Variants in CSMD1 observed in about 807,000 individuals in gnomAD.
CSMD1 encodes CUB and Sushi multiple domains 1.
CSMD1 carries 213 observed loss-of-function variants against 417.5 expected under a neutral mutation model. The ratio of observed to expected loss-of-function variants is 0.51; its 90% CI spans 0.46 to 0.57. The LOEUF (loss-of-function observed/expected upper bound fraction) is 0.57, where lower values mean the gene tolerates loss of function less well. Among genes scored for constraint, CSMD1 ranks in the 20% least tolerant of loss-of-function variants. The probability of loss-of-function intolerance (pLI) is 0.00; values close to 1 mark genes in which losing one functional copy is unlikely to be tolerated. For synonymous variants in CSMD1, 2,862 were observed against 1,736.8 expected (o/e 1.65, Z -16.11); for missense variants, 6,923 against 4,529.7 (o/e 1.53, Z -15.17).
In CSMD1 at chr8:4,718,871, T is replaced by C. The variant is rs368186567; in HGVS notation, c.86-81313A>G. Among the ~76,000 whole-genome samples the C allele has an allele frequency of 2.6e-5, 4 of 151,958 alleles. No homozygotes were observed. The East Asian group carries it at 5.8e-4, about 22-fold the overall frequency. ...TCCCTAAAAAGTACCAAAATGTAAA[T>C]GAATGAAAATACGTATCTTTGAACT... is the stretch of plus-strand genomic sequence containing the variant. On this transcript the variant is annotated intron_variant, in intron 1 of 69. Coordinates refer to ENST00000635120, the MANE Select transcript of CSMD1 (RefSeq NM_033225.6).
intron 6 of CSMD1, among the ~76,000 whole-genome samples, chr8:3,746,002 C>A (rs2129051719): frequency 6.6e-6 from 1 of 152,220 alleles, no homozygotes; most frequent in East Asian, 1.9e-4. Context: ...ACAACTTCCT[C>A]ACATGTACAG....
At chr8:3,906,014 T>G (rs1399155645) in intron 5 of CSMD1, among the ~76,000 whole-genome samples, 13 of 152,196 alleles carry the variant, frequency 8.5e-5, no homozygotes, top group Admixed American at 8.5e-4. Flanking sequence ...GAGTTCTTTT[T>G]ATTTTCCCCG....
At chr8:4,555,321 G>C (rs921344742) in intron 2 of CSMD1, among the ~76,000 whole-genome samples, 3 of 152,138 alleles carry the variant, frequency 2.0e-5, no homozygotes, top group Non-Finnish European at 4.4e-5. Flanking sequence ...GAGATGCTCA[G>C]AAGGAAAAAA....
chr8:4,013,360 C>T (rs541153859), intron 4 of CSMD1, among the ~76,000 whole-genome samples: 31 of 152,174 alleles, frequency 2.0e-4, no homozygotes, highest in Non-Finnish European at 3.7e-4. Flanking sequence ...TGGTTGATCC[C>T]TCTGTCAGAA....
chr8:4,427,513 A>G (rs1236623601), intron 2 of CSMD1, among the ~76,000 whole-genome samples: 10 of 149,668 alleles, frequency 6.7e-5, no homozygotes, highest in African/African-American at 2.5e-5. Flanking sequence ...ACACACACAC[A>G]TGCACACTCA....
chr8:3,190,880 C>T (rs1796377741), intron 33 of CSMD1, among the ~76,000 whole-genome samples: 1 of 152,128 alleles, frequency 6.6e-6, no homozygotes, highest in South Asian at 2.1e-4. Flanking sequence ...GAACGAATAC[C>T]TTATGATTCT....
intron 1 of CSMD1, among the ~76,000 whole-genome samples, chr8:4,928,612 G>A (rs1281340471): frequency 6.6e-6 from 1 of 152,164 alleles, no homozygotes; most frequent in African/African-American, 2.4e-5. Flanking sequence ...CAAACGCGCT[G>A]AGAAGTAACT....
chr8:4,344,425 A>G (rs1257991179), intron 3 of CSMD1, among the ~76,000 whole-genome samples: 5 of 152,060 alleles, frequency 3.3e-5, no homozygotes, highest in South Asian at 2.1e-4. Flanking sequence ...AAAGGCAGGA[A>G]TATTTTAAAA....
intron 5 of CSMD1, among the ~76,000 whole-genome samples, chr8:3,882,060 A>G (rs1368249277): frequency 1.3e-5 from 2 of 152,236 alleles, no homozygotes; most frequent in Non-Finnish European, 2.9e-5. Context: ...AAGAAAAAAC[A>G]TATCAATAGT....
At chr8:4,878,727 G>A (rs1803204833) in intron 1 of CSMD1, among the ~76,000 whole-genome samples, 1 of 151,950 alleles carries the variant, frequency 6.6e-6, no homozygotes, top group African/African-American at 2.4e-5. Context: ...GCACCCAGCA[G>A]TATCTTTTGT....
chr8:4,907,732 T>TC (rs11458990), intron 1 of CSMD1, among the ~76,000 whole-genome samples: 3 of 151,552 alleles, frequency 2.0e-5, no homozygotes, highest in Non-Finnish European at 4.4e-5. Flanking sequence ...CAATTTTTTT[T>TC]TTTTTTCATT....
At chr8:3,620,418 T>A (rs1276535141) in intron 7 of CSMD1, among the ~76,000 whole-genome samples, 1 of 152,128 alleles carries the variant, frequency 6.6e-6, no homozygotes, top group Admixed American at 6.5e-5. Flanking sequence ...AAAACCCCCA[T>A]GTTCATTTCC....
At chr8:3,930,333 T>C (rs905509795) in intron 5 of CSMD1, among the ~76,000 whole-genome samples, 3 of 150,646 alleles carry the variant, frequency 2.0e-5, no homozygotes, top group Non-Finnish European at 4.4e-5. Flanking sequence ...CTTAAATATC[T>C]GCCAGCCATA....
chr8:4,035,348 T>C (rs951187477), intron 3 of CSMD1, among the ~76,000 whole-genome samples: 1 of 152,242 alleles, frequency 6.6e-6, no homozygotes, highest in African/African-American at 2.4e-5. Context: ...TTCTACTTAC[T>C]ATACTATACT....
intron 3 of CSMD1, among the ~76,000 whole-genome samples, chr8:4,161,647 TC>T (rs1797177274): frequency 1.3e-5 from 2 of 152,166 alleles, no homozygotes; most frequent in Non-Finnish European, 2.9e-5. Flanking sequence ...AATGTGTTCT[TC>T]CAACGTCAAC....
At chr8:3,475,371 A>C (rs768838069) in intron 11 of CSMD1, among the ~76,000 whole-genome samples, 1 of 152,104 alleles carries the variant, frequency 6.6e-6, no homozygotes, top group Non-Finnish European at 1.5e-5. Context: ...TCAATAAATA[A>C]AAATATAAAT....
intron 3 of CSMD1, among the ~76,000 whole-genome samples, chr8:4,356,709 C>G (rs1479108702): frequency 6.6e-6 from 1 of 152,118 alleles, no homozygotes; most frequent in Non-Finnish European, 1.5e-5. Flanking sequence ...TCTCACCGTG[C>G]TCTCCAATGG....
At chr8:4,934,396 T>A (rs1490803945) in intron 1 of CSMD1, among the ~76,000 whole-genome samples, 1 of 152,110 alleles carries the variant, frequency 6.6e-6, no homozygotes, top group South Asian at 2.1e-4. Context: ...CCATCAAGAA[T>A]AATAATTCAG....
At chr8:4,535,526 A>G (rs1219805527) in intron 2 of CSMD1, among the ~76,000 whole-genome samples, 1 of 152,064 alleles carries the variant, frequency 6.6e-6, no homozygotes, top group Non-Finnish European at 1.5e-5. Context: ...CGATGTTCAA[A>G]TTTTTTATCT....
Sources: gnomAD v4.1 joint callset for allele counts (sites outside exome capture counted in the v4.1 genomes callset) on GRCh38, gnomAD v4.1.1 for gene constraint, MANE v1.5 for transcripts, NCBI Gene and HGNC (gene_info 2026-07-23, HGNC 2026-07-21) for gene names.